ZBTB7A: variants seen among roughly 807,000 people sequenced by gnomAD.
ZBTB7A encodes the protein zinc finger and BTB domain containing 7A, also known as zinc finger and BTB domain-containing protein 7A.
Under a neutral mutation model 26.7 loss-of-function variants are expected in ZBTB7A, and 7 were observed. The observed-to-expected ratio is 0.26, with a 90% CI of 0.15 to 0.49. The LOEUF is 0.49. Among genes scored for constraint, ZBTB7A ranks in the 20% least tolerant of loss-of-function variants. The probability of loss-of-function intolerance (pLI) is 0.98; values close to 1 mark genes in which losing one functional copy is unlikely to be tolerated. For missense variants in ZBTB7A, 617 were observed against 919.5 expected, an observed-to-expected ratio of 0.67 and a Z score of 4.25; for synonymous variants, 452 against 441.0, an observed-to-expected ratio of 1.02 and a Z score of -0.31.
intron 2 of ZBTB7A, among the ~76,000 whole-genome samples, chr19:4,049,604 C>T (rs908790883): frequency 2.6e-5 from 4 of 152,208 alleles, no homozygotes; most frequent in East Asian, 1.9e-4. Context: ...CTGGTTTTAG[C>T]ACTGAAAGTC....
Position 4,053,909 on chromosome 19 carries a change from C to T in ZBTB7A, c.1262+62G>A, listed in dbSNP as rs546853097. ...GTGCAGGGAGAGAGGCGGGAGGGGT[C>T]GTGAGCGGCGGATGCTGGGGCAGAG... On this transcript the variant is annotated intron_variant, in intron 2 of 2. Transcript: ENST00000322357. 3,511 of 1,519,334 alleles carry T rather than the reference C, an allele frequency of 2.3e-3. 7 individuals carry two copies. The highest frequency in any genetic ancestry group is 2.8e-3 in the Non-Finnish European group (3,163 of 1,136,682). The allele number at this position is 1,519,334 out of a possible 1,614,324, so 94.1% of individuals were successfully genotyped here.
intron 1 of ZBTB7A, among the ~76,000 whole-genome samples, chr19:4,066,331 T>G (rs1279894270): frequency 7.4e-6 from 1 of 134,298 alleles, no homozygotes; most frequent in African/African-American, 2.8e-5. Context: ...CCCCCCTATC[T>G]CCCCACGCCG....
rs1285499944 is a variant in ZBTB7A at position 4,047,389 on chromosome 19, G to C, written c.*363C>G. Reference sequence around the variant, plus strand: ...TCCCCCCAGCCCAGGGCCTCGGATCGGGCCCCAGGCCCCATGCCGGGTGCC... The same window carrying C: ...TCCCCCCAGCCCAGGGCCTCGGATCCGGCCCCAGGCCCCATGCCGGGTGCC... On this transcript the variant is annotated 3_prime_UTR_variant, in exon 3 of 3. Transcript: ENST00000322357. 6.5e-6 allele frequency: 1 copy of C among 153,030 alleles called. No homozygotes were observed. Among genetic ancestry groups the C allele is most frequent in the East Asian group, 1.9e-4 (1 of 5,326 alleles). 9.5% of individuals were successfully genotyped at this position (153,030 alleles called of 1,614,324 possible).
At chr19:4,059,150 C>CT (rs960118158) in intron 1 of ZBTB7A, among the ~76,000 whole-genome samples, 1 of 152,176 alleles carries the variant, frequency 6.6e-6, no homozygotes, top group Non-Finnish European at 1.5e-5. Context: ...CCGGGCCCTC[C>CT]TACCCACCCC....
intron 1 of ZBTB7A, among the ~76,000 whole-genome samples, chr19:4,064,995 G>T (rs1041000433): frequency 1.3e-5 from 2 of 151,802 alleles, no homozygotes; most frequent in Non-Finnish European, 2.9e-5. Context: ...CCCTGGGGGG[G>T]CACCCGCTCC....
At chr19:4,063,945 G>C (rs930650715) in intron 1 of ZBTB7A, among the ~76,000 whole-genome samples, 5 of 152,194 alleles carry the variant, frequency 3.3e-5, no homozygotes, top group Non-Finnish European at 7.3e-5. Context: ...TGGCAACGGG[G>C]ATCTGCCACC....
chr19:4,057,903 A>G (rs1030666754), intron 1 of ZBTB7A, among the ~76,000 whole-genome samples: 3 of 152,070 alleles, frequency 2.0e-5, no homozygotes, highest in Non-Finnish European at 4.4e-5. Flanking sequence ...AGGCCCCACC[A>G]TGAGGACACA....
At position 4,059,679 on chromosome 19, in the gene ZBTB7A, G is replaced by T. The variant is rs919806621; in HGVS notation, c.-15-4432C>A. The stretch of plus-strand genomic sequence containing the variant: ...AGGGCAAGGCCCTGCCCTCGCCCTG[G>T]AAACTAAACTCGCTCTGAGACAACT... On this transcript the variant is annotated intron_variant, in intron 1 of 2. Coordinates refer to ENST00000322357, the MANE Select transcript of ZBTB7A (RefSeq NM_015898.4). Among the ~76,000 whole-genome samples the T allele has an allele frequency of 2.2e-4, 34 of 152,192 alleles. 1 individual carries two copies. In the Middle Eastern group the frequency reaches 0.017, roughly 76 times the overall value.
At chr19:4,062,756 C>T (rs2145008243) in intron 1 of ZBTB7A, 1 of 152,530 alleles carries the variant, frequency 6.6e-6, no homozygotes, top group East Asian at 1.9e-4. Context: ...GTCCAGCTGA[C>T]ATGGGTGGCT....
chr19:4,045,119 T>C lies in ZBTB7A; in HGVS notation c.*2633A>G, dbSNP rs948340191. On this transcript the variant is annotated 3_prime_UTR_variant, in exon 3 of 3. Transcript: ENST00000322357. This position sits in a 1 kb window ranked among gnomAD's most constrained non-coding sequence, Gnocchi z 4.1. ...GGTTTAGTGCAATCCCCGAGGTCTG[T>C]GTAAGTGTCGCGGTGGGCCGCAGCC... 1 of 152,208 alleles carries C rather than the reference T, an allele frequency of 6.6e-6. No homozygotes were observed. Among genetic ancestry groups the C allele is most frequent in the African/African-American group, 2.4e-5 (1 of 41,440 alleles). 9.4% of individuals were successfully genotyped at this position (152,208 alleles called of 1,614,324 possible). A position where few individuals can be genotyped will look rare whatever the true frequency, so the allele number is the denominator to read the frequency against.
intron 1 of ZBTB7A, among the ~76,000 whole-genome samples, chr19:4,058,001 G>T (rs2040599480): frequency 6.6e-6 from 1 of 152,134 alleles, no homozygotes; most frequent in Non-Finnish European, 1.5e-5. Context: ...GTCAGGCCTG[G>T]TTCTTTTCAG....
In ZBTB7A at chr19:4,055,451, T is replaced by C. The variant is rs1215269625; in HGVS notation, c.-15-204A>G. ...CTGTGCACCAAAGCGATACATGCCC[T>C]GCCTCCAGCCTCTTTTCTTTTTTGT... is the stretch of plus-strand genomic sequence containing the variant. On this transcript the variant is annotated intron_variant, in intron 1 of 2. Transcript: ENST00000322357. The C allele has an allele frequency of 5.1e-6, 5 of 985,250 alleles. No individual in the cohort carries two copies. In the East Asian group the frequency reaches 4.5e-4, roughly 89 times the overall value. 61.0% of individuals were successfully genotyped at this position (985,250 alleles called of 1,614,324 possible). A position where few individuals can be genotyped will look rare whatever the true frequency, so the allele number is the denominator to read the frequency against.
chr19:4,049,168 G>GTGTGTGTATGTATATATATA (rs1403864466), intron 2 of ZBTB7A, among the ~76,000 whole-genome samples: 1 of 14,954 alleles, frequency 6.7e-5, no homozygotes, highest in Non-Finnish European at 1.2e-4. Flanking sequence ...GTGTGTGTGT[G>GTGTGTGTATGTATATATATA]TATATATATA....
intron 1 of ZBTB7A, chr19:4,065,737 G>GA (rs1446671535): frequency 8.8e-6 from 1 of 114,038 alleles, no homozygotes; most frequent in Non-Finnish European, 1.6e-5. Context: ...CGGGGAGGGT[G>GA]ACCCCCCCCC....
At chr19:4,053,270 C>T (rs1428356854) in intron 2 of ZBTB7A, among the ~76,000 whole-genome samples, 1 of 152,244 alleles carries the variant, frequency 6.6e-6, no homozygotes, top group African/African-American at 2.4e-5. Context: ...GATGTCCACC[C>T]ACAAGGGCAG....
At chr19:4,055,661 A>C (rs2144996083) in intron 1 of ZBTB7A, among the ~76,000 whole-genome samples, 1 of 152,274 alleles carries the variant, frequency 6.6e-6, no homozygotes, top group East Asian at 1.9e-4. Flanking sequence ...TCTCTACTAA[A>C]AAATACAAAA....
chr19:4,055,500 T>C, intron 1 of ZBTB7A: 1 of 984,442 alleles, frequency 1.0e-6, no homozygotes, highest in Non-Finnish European at 1.2e-6. Context: ...AGAGACAGGC[T>C]ATCACCATGT....
In ZBTB7A at chr19:4,047,294, CAT is replaced by C. The variant is rs1352997276; in HGVS notation, c.*456_*457del. The C allele has an allele frequency of 6.6e-6, 1 of 152,268 alleles. No homozygotes were observed. The highest frequency in any genetic ancestry group is 1.5e-5 in the Non-Finnish European group (1 of 68,144). 9.4% of individuals were successfully genotyped at this position (152,268 alleles called of 1,614,324 possible). On this transcript the variant is annotated 3_prime_UTR_variant, in exon 3 of 3. Transcript: ENST00000322357. ...CATTTAAGGTCTTGTCTGAAAGACT[CAT>C]AGAAACCAGCGAGGGGAGGAAATTA...
chr19:4,051,645 A>G (rs553687548), intron 2 of ZBTB7A, among the ~76,000 whole-genome samples: 24 of 152,350 alleles, frequency 1.6e-4, no homozygotes, highest in Admixed American at 1.4e-3. Flanking sequence ...ACCAGCCTCC[A>G]GGCCTCTGGT....
Sources: gnomAD v4.1 joint callset for allele counts (sites outside exome capture counted in the v4.1 genomes callset) on GRCh38, gnomAD v4.1.1 for gene constraint, Gnocchi (gnomAD v3.1) non-coding constraint, MANE v1.5 for transcripts, NCBI Gene and HGNC (gene_info 2026-07-23, HGNC 2026-07-21) for gene names.